KHDRBS2: variants seen among roughly 807,000 people sequenced by gnomAD.
KHDRBS2 encodes KH domain-containing, RNA-binding, signal transduction-associated protein 2.
Under a neutral mutation model 44.3 loss-of-function variants are expected in KHDRBS2, and 26 were observed. The ratio of observed to expected loss-of-function variants is 0.59; its 90% CI spans 0.43 to 0.81. The LOEUF (loss-of-function observed/expected upper bound fraction) is 0.81. Ranked by LOEUF, KHDRBS2 falls within the 40% of genes least tolerant of loss-of-function variation. KHDRBS2 has a pLI of 0.00. For synonymous variants in KHDRBS2, 194 were observed against 151.1 expected, an observed-to-expected ratio of 1.28 and a Z score of -2.08; for missense variants, 476 against 433.1, an observed-to-expected ratio of 1.10 and a Z score of -0.88.
At chr6:61,617,339 A>T in the KHDRBS2 span, among the ~76,000 whole-genome samples, 1 of 152,200 alleles carries the variant, frequency 6.6e-6, no homozygotes, top group African/African-American at 2.4e-5. Flanking sequence ...CACTCTGGGT[A>T]ACAATTTTGA....
At chr6:62,054,368 G>T (rs934783784) in intron 2 of KHDRBS2, among the ~76,000 whole-genome samples, 1 of 152,042 alleles carries the variant, frequency 6.6e-6, no homozygotes, top group Non-Finnish European at 1.5e-5. Context: ...TCCATTAACA[G>T]ACTCCTGTGT....
At chr6:61,813,328 A>C (rs1001558934) in intron 6 of KHDRBS2, among the ~76,000 whole-genome samples, 6 of 152,106 alleles carry the variant, frequency 3.9e-5, no homozygotes, top group African/African-American at 1.2e-4. Context: ...ATTATTCTTG[A>C]TATTATACTA....
At chr6:61,618,090 T>TTTG in the KHDRBS2 span, among the ~76,000 whole-genome samples, 84 of 152,154 alleles carry the variant, frequency 5.5e-4, no homozygotes, top group South Asian at 1.0e-3. Context: ...AAGCAATGTT[T>TTTG]TTGTTGTTGT....
intron 1 of KHDRBS2, among the ~76,000 whole-genome samples, chr6:62,188,971 C>T (rs1314784973): frequency 3.3e-5 from 5 of 151,910 alleles, no homozygotes; most frequent in African/African-American, 1.2e-4. Context: ...AAAGATTAGC[C>T]ACGTGTGGTG....
the KHDRBS2 span, among the ~76,000 whole-genome samples, chr6:61,570,535 A>G: frequency 6.6e-6 from 1 of 152,164 alleles, no homozygotes; most frequent in East Asian, 1.9e-4. Flanking sequence ...CTTGTAAGAA[A>G]TCTAGACATC....
At chr6:62,144,441 G>GT (rs957168076) in intron 2 of KHDRBS2, among the ~76,000 whole-genome samples, 3 of 151,526 alleles carry the variant, frequency 2.0e-5, no homozygotes, top group Admixed American at 6.6e-5. Flanking sequence ...CTAACCTCAT[G>GT]TTTTTTTTCC....
Position 62,052,601 on chromosome 6 carries a change from T to TA in KHDRBS2, c.220-4608_220-4607insT, listed in dbSNP as rs1554351006. ...GCGTGGAAGACAATTTTTCCACTGGTGGGGTGGGGGTGGAGGAGGGTGGGG... is the reference window on the plus strand; with the variant it reads ...GCGTGGAAGACAATTTTTCCACTGGTAGGGGTGGGGGTGGAGGAGGGTGGGG... On this transcript the variant is annotated intron_variant, in intron 2 of 8. Coordinates refer to ENST00000281156, the MANE Select transcript of KHDRBS2 (RefSeq NM_152688.4). Among the ~76,000 whole-genome samples, 4 of 117,064 alleles carry TA rather than the reference T, an allele frequency of 3.4e-5. No individual in the cohort carries two copies. The East Asian group carries it at 1.1e-3, about 31-fold the overall frequency. 76.8% of individuals were successfully genotyped at this position (117,064 alleles called of 152,430 possible).
At chr6:61,543,644 C>A in the KHDRBS2 span, among the ~76,000 whole-genome samples, 1 of 152,006 alleles carries the variant, frequency 6.6e-6, no homozygotes. Flanking sequence ...GAAGAGATAT[C>A]TACACTCCCA....
the KHDRBS2 span, among the ~76,000 whole-genome samples, chr6:61,639,325 G>T: frequency 6.6e-6 from 1 of 151,946 alleles, no homozygotes; most frequent in Non-Finnish European, 1.5e-5. Flanking sequence ...TAAATATTCT[G>T]CTTCTGCTGA....
intron 7 of KHDRBS2, among the ~76,000 whole-genome samples, chr6:61,722,803 G>A (rs188181420): frequency 1.4e-3 from 219 of 151,766 alleles, no homozygotes; most frequent in African/African-American, 4.6e-3. Context: ...TCCGCCTCCC[G>A]GGTTCACAAC....
chr6:61,560,209 T>A, the KHDRBS2 span, among the ~76,000 whole-genome samples: 2 of 152,162 alleles, frequency 1.3e-5, no homozygotes, highest in Non-Finnish European at 2.9e-5. Context: ...TTTGTTTTTT[T>A]ACTCTTGTTA....
At chr6:61,592,135 G>A in the KHDRBS2 span, among the ~76,000 whole-genome samples, 445 of 145,684 alleles carry the variant, frequency 3.1e-3, 3 homozygotes, top group African/African-American at 0.011. Context: ...AGGCTGCAGC[G>A]AGGCATGATT....
chr6:61,629,496 C>G, the KHDRBS2 span, among the ~76,000 whole-genome samples: 1 of 152,090 alleles, frequency 6.6e-6, no homozygotes, highest in South Asian at 2.1e-4. Context: ...AAAAGATACA[C>G]GATTCAGCAT....
intron 1 of KHDRBS2, among the ~76,000 whole-genome samples, chr6:62,215,206 G>A (rs1370752633): frequency 6.6e-6 from 1 of 151,818 alleles, no homozygotes; most frequent in Non-Finnish European, 1.5e-5. Context: ...ATACACAAGA[G>A]AGTTTTCCAA....
At chr6:61,589,566 C>G in the KHDRBS2 span, among the ~76,000 whole-genome samples, 1 of 152,134 alleles carries the variant, frequency 6.6e-6, no homozygotes, top group East Asian at 1.9e-4. Flanking sequence ...ACATTATGAA[C>G]TAGCTACATC....
intron 2 of KHDRBS2, among the ~76,000 whole-genome samples, chr6:62,173,412 CAAT>C (rs2150120868): frequency 6.6e-6 from 1 of 152,032 alleles, no homozygotes; most frequent in African/African-American, 2.4e-5. Context: ...CTAAACAGAC[CAAT>C]AATGAGTTCC....
At chr6:61,707,199 A>G (rs73472992) in intron 7 of KHDRBS2, among the ~76,000 whole-genome samples, 8,366 of 151,804 alleles carry the variant, frequency 0.055, 368 homozygotes, top group African/African-American at 0.11. Context: ...AGGATAGTCA[A>G]GGAATGGCAA....
intron 6 of KHDRBS2, among the ~76,000 whole-genome samples, chr6:61,807,601 G>T (rs1787373516): frequency 2.0e-5 from 3 of 152,066 alleles, no homozygotes; most frequent in Non-Finnish European, 4.4e-5. Context: ...TGTCTCACAA[G>T]TGGGAGACAA....
At chr6:61,843,685 T>A (rs1357407014) in intron 6 of KHDRBS2, among the ~76,000 whole-genome samples, 1 of 152,098 alleles carries the variant, frequency 6.6e-6, no homozygotes, top group Non-Finnish European at 1.5e-5. Context: ...ATTATTGATA[T>A]CTTCATGTGC....
Sources: allele counts gnomAD v4.1 joint callset (sites outside exome capture counted in the v4.1 genomes callset), GRCh38; gene constraint gnomAD v4.1.1; transcripts MANE v1.5; gene names NCBI Gene and HGNC (gene_info 2026-07-23, HGNC 2026-07-21).